The following B4GALT1 variants were observed in gnomAD, a reference collection of about 807,000 sequenced individuals.
B4GALT1 encodes N-acetyllactosamine synthase.
A neutral mutation model predicts 34.9 loss-of-function variants in B4GALT1; 16 were observed. That is an observed-to-expected ratio of 0.46 (90% CI 0.31 to 0.70). B4GALT1 has a LOEUF of 0.70. Ranked by LOEUF, B4GALT1 falls within the 30% of genes least tolerant of loss-of-function variation. B4GALT1 has a pLI of 0.05. For missense variants in B4GALT1, 445 were observed against 530.5 expected (o/e 0.84, Z 1.58); for synonymous variants, 221 against 218.1 (o/e 1.01, Z -0.12).
At chr9:33,125,194 T>C (rs1840073725) in intron 2 of B4GALT1, among the ~76,000 whole-genome samples, 1 of 151,980 alleles carries the variant, frequency 6.6e-6, no homozygotes, top group South Asian at 2.1e-4. Context: ...AGACATAGAC[T>C]CTGGAGGCGG....
upstream of B4GALT1, among the ~76,000 whole-genome samples, chr9:33,170,229 C>G (rs1032147191): frequency 1.3e-5 from 2 of 152,056 alleles, no homozygotes; most frequent in African/African-American, 4.8e-5. Flanking sequence ...CTCGGCCTCC[C>G]AAAGTGCTGG....
chr9:33,171,320 T>C (rs1478091241), upstream of B4GALT1, among the ~76,000 whole-genome samples: 1 of 152,084 alleles, frequency 6.6e-6, no homozygotes, highest in Non-Finnish European at 1.5e-5. Context: ...TCAGAATGGG[T>C]TGGGTCATGG....
the B4GALT1 span, among the ~76,000 whole-genome samples, chr9:33,174,981 AAAAAAAAAAATATATATATATATATATAT>A: frequency 2.4e-5 from 1 of 41,446 alleles, no homozygotes; most frequent in East Asian, 5.5e-4. Context: ...AAAAAAAAAA[AAAAAAAAAAATATATATATATATATATAT>A]ATATATATAT....
intron 2 of B4GALT1, among the ~76,000 whole-genome samples, chr9:33,128,332 A>G (rs1230318957): frequency 1.3e-5 from 2 of 152,188 alleles, no homozygotes; most frequent in African/African-American, 4.8e-5. Flanking sequence ...TGCAAGGGAA[A>G]AGGGGCCCAT....
chr9:33,140,796 A>G (rs914616500), intron 1 of B4GALT1, among the ~76,000 whole-genome samples: 1 of 152,248 alleles, frequency 6.6e-6, no homozygotes, highest in African/African-American at 2.4e-5. Flanking sequence ...GCGCACCGCA[A>G]GCTGAGCCAG....
chr9:33,131,618 G>A (rs1255807545), intron 2 of B4GALT1, among the ~76,000 whole-genome samples: 2 of 152,194 alleles, frequency 1.3e-5, no homozygotes, highest in Non-Finnish European at 2.9e-5. Flanking sequence ...ATGTGTGTGT[G>A]GGAATGAAAA....
downstream of B4GALT1, among the ~76,000 whole-genome samples, chr9:33,106,301 A>G (rs1054110391): frequency 6.6e-5 from 10 of 152,182 alleles, no homozygotes; most frequent in Non-Finnish European, 1.3e-4. Flanking sequence ...TTGTCAAAGG[A>G]CAGATGGCCC....
chr9:33,157,939 TAAATC>T (rs1391272574), intron 1 of B4GALT1, among the ~76,000 whole-genome samples: 1 of 152,204 alleles, frequency 6.6e-6, no homozygotes, highest in East Asian at 1.9e-4. Context: ...ACAACTTTCT[TAAATC>T]AAATACCACA....
chr9:33,166,752 C>G lies in B4GALT1; in HGVS notation c.412+6G>C. On this transcript the variant is annotated splice_donor_region_variant and intron_variant, in intron 1 of 5. Transcript: ENST00000379731. ...TCCTCCGACTGGCGCCGACCCGAGT[C>G]CTTACCAAGCAGCGGGGACTCCTCA... 1 of 1,503,106 alleles carries G rather than the reference C, an allele frequency of 6.7e-7. No individual in the cohort carries two copies. Among genetic ancestry groups the G allele is most frequent in the Non-Finnish European group, 8.8e-7 (1 of 1,133,112 alleles). 93.1% of individuals were successfully genotyped at this position (1,503,106 alleles called of 1,614,324 possible).
At chr9:33,167,883 G>A (rs1840795637), upstream of B4GALT1, among the ~76,000 whole-genome samples, 1 of 152,216 alleles carries the variant, frequency 6.6e-6, no homozygotes, top group Non-Finnish European at 1.5e-5. Flanking sequence ...CCCTAACTCA[G>A]CCCGGCTGGA....
At chr9:33,118,889 T>C (rs1456363625) in intron 3 of B4GALT1, among the ~76,000 whole-genome samples, 1 of 110,486 alleles carries the variant, frequency 9.1e-6, no homozygotes, top group Non-Finnish European at 1.8e-5. Flanking sequence ...TGAGACAGAG[T>C]CTTGCTCTGT....
chr9:33,116,815 G>A (rs947755870), intron 3 of B4GALT1, among the ~76,000 whole-genome samples: 3 of 149,380 alleles, frequency 2.0e-5, no homozygotes, highest in Non-Finnish European at 4.5e-5. Flanking sequence ...GAGCCACCAT[G>A]TCCAGCCTCT....
chr9:33,170,674 A>T (rs1840832285), upstream of B4GALT1, among the ~76,000 whole-genome samples: 1 of 152,216 alleles, frequency 6.6e-6, no homozygotes. Flanking sequence ...CCTGAGCACT[A>T]GTCTCAGCTG....
chr9:33,156,877 TCAAGGAA>T (rs1171916174), intron 1 of B4GALT1, among the ~76,000 whole-genome samples: 1 of 152,118 alleles, frequency 6.6e-6, no homozygotes, highest in Non-Finnish European at 1.5e-5. Flanking sequence ...GCGCCACATA[TCAAGGAA>T]GAAGGAAAGA....
chr9:33,114,925 C>A (rs1839917919), intron 4 of B4GALT1, among the ~76,000 whole-genome samples: 1 of 151,820 alleles, frequency 6.6e-6, no homozygotes. Flanking sequence ...CCCAGCTGTT[C>A]TGACCATTCA....
At chr9:33,123,103 G>A (rs540440515) in intron 2 of B4GALT1, among the ~76,000 whole-genome samples, 3 of 151,936 alleles carry the variant, frequency 2.0e-5, no homozygotes, top group African/African-American at 7.2e-5. Flanking sequence ...CATGGCGAAA[G>A]CCCGTCTCTA....
At chr9:33,184,285 CACAA>C in the B4GALT1 span, among the ~76,000 whole-genome samples, 4 of 151,172 alleles carry the variant, frequency 2.6e-5, no homozygotes, top group African/African-American at 7.3e-5. Flanking sequence ...CACACACACA[CACAA>C]AAACATAGGA....
chr9:33,140,866 C>T (rs997493889), intron 1 of B4GALT1, among the ~76,000 whole-genome samples: 1 of 152,272 alleles, frequency 6.6e-6, no homozygotes, highest in African/African-American at 2.4e-5. Context: ...CTCGTGAAAT[C>T]ACGGTGCCCC....
chr9:33,120,481 A>G lies in B4GALT1; in HGVS notation c.774T>C (p.Asn258=), dbSNP rs758209121. The G allele has an allele frequency of 3.7e-6, 6 of 1,614,140 alleles. No individual in the cohort carries two copies. The highest frequency in any genetic ancestry group is 5.1e-6 in the Non-Finnish European group (6 of 1,180,032). The part of the protein sequence containing the change: ...DVDLIPMNDH[N]AYRCFSQPRH... Reference sequence around the variant, plus strand: ...GTGGCTGTGAAAAACACCTGTACGCATTATGGTCATTCATTGGAATGAGGT... The same window carrying G: ...GTGGCTGTGAAAAACACCTGTACGCGTTATGGTCATTCATTGGAATGAGGT... The change falls in exon 3 of 6, where the codon AAT becomes AAC. Residue 258 remains asparagine, a synonymous_variant. Transcript: ENST00000379731.
Sources: allele counts gnomAD v4.1 joint callset (sites outside exome capture counted in the v4.1 genomes callset), GRCh38; gene constraint gnomAD v4.1.1; transcripts MANE v1.5; gene names NCBI Gene and HGNC (gene_info 2026-07-23, HGNC 2026-07-21).